EPHB1: variants seen among roughly 807,000 people sequenced by gnomAD.
EPHB1 encodes the protein EPH receptor B1, also known as ephrin type-B receptor 1.
A neutral mutation model predicts 94.4 loss-of-function variants in EPHB1; 30 were observed. The ratio of observed to expected loss-of-function variants is 0.32; its 90% CI spans 0.24 to 0.43. EPHB1 has a LOEUF of 0.43. Among genes scored for constraint, EPHB1 ranks in the 20% least tolerant of loss-of-function variants. The probability of loss-of-function intolerance (pLI) is 1.00; values close to 1 mark genes in which losing one functional copy is unlikely to be tolerated. For synonymous variants in EPHB1, 522 were observed against 489.1 expected, an observed-to-expected ratio of 1.07 and a Z score of -0.89; for missense variants, 1,055 against 1,308.3, an observed-to-expected ratio of 0.81 and a Z score of 2.99.
At chr3:135,125,058 G>T (rs1464331207) in intron 4 of EPHB1, among the ~76,000 whole-genome samples, 1 of 151,698 alleles carries the variant, frequency 6.6e-6, no homozygotes, top group Non-Finnish European at 1.5e-5. Context: ...GCAGATTGCA[G>T]ACAATGCTTG....
At chr3:134,886,237 T>C (rs2037858672) in intron 1 of EPHB1, among the ~76,000 whole-genome samples, 1 of 152,196 alleles carries the variant, frequency 6.6e-6, no homozygotes, top group African/African-American at 2.4e-5. Context: ...ACGTGTCTTA[T>C]GTTTTCTGAG....
intron 12 of EPHB1, among the ~76,000 whole-genome samples, chr3:135,221,376 T>C (rs1943276824): frequency 6.6e-6 from 1 of 152,226 alleles, no homozygotes; most frequent in Non-Finnish European, 1.5e-5. Context: ...TTAAACCTCA[T>C]TATTCATTTT....
chr3:135,122,104 C>T (rs1939989628), intron 4 of EPHB1, among the ~76,000 whole-genome samples: 1 of 152,182 alleles, frequency 6.6e-6, no homozygotes, highest in Admixed American at 6.5e-5. Context: ...GTGCCTGTCT[C>T]CTTTGCAGAC....
chr3:135,223,224 T>C (rs1320006654), intron 12 of EPHB1, among the ~76,000 whole-genome samples: 1 of 152,188 alleles, frequency 6.6e-6, no homozygotes, highest in African/African-American at 2.4e-5. Flanking sequence ...ACATGGGAGA[T>C]GTGGCCAGTC....
At chr3:134,909,411 C>T (rs1267522582) in intron 1 of EPHB1, among the ~76,000 whole-genome samples, 1 of 152,220 alleles carries the variant, frequency 6.6e-6, no homozygotes, top group Non-Finnish European at 1.5e-5. Flanking sequence ...GGGTAGGGTG[C>T]TGTGGCCAAG....
At chr3:135,175,108 T>C (rs1356788519) in intron 9 of EPHB1, among the ~76,000 whole-genome samples, 2 of 152,112 alleles carry the variant, frequency 1.3e-5, no homozygotes, top group African/African-American at 2.4e-5. Context: ...TCCCCAAATA[T>C]CACCTACTGT....
intron 3 of EPHB1, among the ~76,000 whole-genome samples, chr3:135,010,131 T>C (rs1935569333): frequency 6.6e-6 from 1 of 152,192 alleles, no homozygotes; most frequent in Non-Finnish European, 1.5e-5. Flanking sequence ...GATTAAAAAA[T>C]TAAAATGAAA....
At chr3:134,888,706 CA>C (rs55786916) in intron 1 of EPHB1, among the ~76,000 whole-genome samples, 1,897 of 109,630 alleles carry the variant, frequency 0.017, 28 homozygotes, top group African/African-American at 0.059. Flanking sequence ...GACTCCATCT[CA>C]AAAAAAAAAA....
intron 5 of EPHB1, among the ~76,000 whole-genome samples, chr3:135,152,304 G>T (rs1941218995): frequency 6.6e-6 from 1 of 152,210 alleles, no homozygotes; most frequent in Non-Finnish European, 1.5e-5. Flanking sequence ...TTCAAATAAA[G>T]ATCGGAAGAT....
At chr3:134,928,923 G>A (rs1258998958) in intron 2 of EPHB1, among the ~76,000 whole-genome samples, 1 of 151,946 alleles carries the variant, frequency 6.6e-6, no homozygotes, top group Non-Finnish European at 1.5e-5. Context: ...CACAAAAGTG[G>A]CAAATGCTTC....
At chr3:134,814,776 C>T (rs1046031996) in intron 1 of EPHB1, among the ~76,000 whole-genome samples, 6 of 152,180 alleles carry the variant, frequency 3.9e-5, no homozygotes, top group East Asian at 1.9e-4. Context: ...CCATTGCAGA[C>T]GAAGCTTCAT....
intron 10 of EPHB1, among the ~76,000 whole-genome samples, chr3:135,186,306 G>A (rs1417676528): frequency 1.3e-5 from 2 of 152,198 alleles, no homozygotes; most frequent in Non-Finnish European, 2.9e-5. Flanking sequence ...GAGGAACTCT[G>A]ATGAAAGGGT....
chr3:135,126,564 C>T (rs921777853), intron 4 of EPHB1, among the ~76,000 whole-genome samples: 2 of 152,188 alleles, frequency 1.3e-5, no homozygotes, highest in African/African-American at 4.8e-5. Context: ...TCTGGAGACA[C>T]AGCCCCATGC....
intron 9 of EPHB1, among the ~76,000 whole-genome samples, chr3:135,170,343 G>A (rs910429643): frequency 6.6e-6 from 1 of 152,190 alleles, no homozygotes; most frequent in Non-Finnish European, 1.5e-5. Context: ...CTAGGGCACT[G>A]GTTTAATGTT....
chr3:134,890,781 T>C (rs542048397), intron 1 of EPHB1, among the ~76,000 whole-genome samples: 1 of 152,352 alleles, frequency 6.6e-6, no homozygotes, highest in East Asian at 1.9e-4. Flanking sequence ...ATGGACCTTA[T>C]CTTTTTTCTT....
At chr3:134,933,408 C>A (rs2038939890) in intron 2 of EPHB1, among the ~76,000 whole-genome samples, 1 of 152,104 alleles carries the variant, frequency 6.6e-6, no homozygotes, top group Non-Finnish European at 1.5e-5. Context: ...GGACCATCCC[C>A]TGGGGAGGAA....
chr3:135,106,693 C>G (rs184871051), intron 4 of EPHB1, 90 bp downstream of exon 4: 1 of 1,515,174 alleles, frequency 6.6e-7, no homozygotes, highest in South Asian at 1.2e-5. Flanking sequence ...AAGACATCAT[C>G]CTTTGATCCC....
chr3:134,915,310 C>T (rs1482368730), intron 1 of EPHB1, among the ~76,000 whole-genome samples: 1 of 152,148 alleles, frequency 6.6e-6, no homozygotes, highest in Non-Finnish European at 1.5e-5. Flanking sequence ...TCCAATATGA[C>T]TGGCATCCTT....
intron 1 of EPHB1, among the ~76,000 whole-genome samples, chr3:134,879,638 CG>C (rs1265248985): frequency 6.6e-6 from 1 of 151,816 alleles, no homozygotes; most frequent in Non-Finnish European, 1.5e-5. Context: ...GGAGACAGAG[CG>C]AGATCCTGTC....
Sources: gnomAD v4.1 joint callset for allele counts (sites outside exome capture counted in the v4.1 genomes callset) on GRCh38, gnomAD v4.1.1 for gene constraint, MANE v1.5 for transcripts, NCBI Gene and HGNC (gene_info 2026-07-23, HGNC 2026-07-21) for gene names.